Variants in MACROD2 observed in about 807,000 individuals in gnomAD.
MACROD2 encodes the protein mono-ADP ribosylhydrolase 2, also known as ADP-ribose glycohydrolase MACROD2.
Under a neutral mutation model 70.4 loss-of-function variants are expected in MACROD2, and 36 were observed. The ratio of observed to expected loss-of-function variants is 0.51; its 90% confidence interval spans 0.39 to 0.68. MACROD2 has a LOEUF of 0.68. Ranked by LOEUF, MACROD2 falls within the 30% of genes least tolerant of loss-of-function variation. The probability of loss-of-function intolerance (pLI) is 0.00; values close to 1 mark genes in which losing one functional copy is unlikely to be tolerated. For synonymous variants in MACROD2, 172 were observed against 178.8 expected (o/e 0.96, Z 0.30); for missense variants, 496 against 538.4 (o/e 0.92, Z 0.78).
chr20:15,632,727 T>C (rs1176344718), intron 8 of MACROD2, among the ~76,000 whole-genome samples: 2 of 152,140 alleles, frequency 1.3e-5, no homozygotes, highest in South Asian at 2.1e-4. Flanking sequence ...GTCTTAGTAA[T>C]AGTCTAATGT....
At chr20:14,397,982 T>C (rs2122825916) in intron 3 of MACROD2, among the ~76,000 whole-genome samples, 1 of 152,264 alleles carries the variant, frequency 6.6e-6, no homozygotes, top group Non-Finnish European at 1.5e-5. Context: ...AGTAAGAACA[T>C]GTGTTACCTT....
chr20:15,813,856 A>G (rs555512412), intron 8 of MACROD2, among the ~76,000 whole-genome samples: 1 of 152,354 alleles, frequency 6.6e-6, no homozygotes, highest in South Asian at 2.1e-4. Context: ...TACATAGGGA[A>G]GAAACTAGCC....
intron 5 of MACROD2, among the ~76,000 whole-genome samples, chr20:15,153,927 G>T (rs1001940397): frequency 6.6e-6 from 1 of 152,136 alleles, no homozygotes; most frequent in African/African-American, 2.4e-5. Flanking sequence ...ATGTTCAAAG[G>T]ATGTCCTCTT....
intron 3 of MACROD2, among the ~76,000 whole-genome samples, chr20:14,191,284 G>A (rs2081386174): frequency 6.6e-6 from 1 of 152,050 alleles, no homozygotes; most frequent in Non-Finnish European, 1.5e-5. Context: ...CTAAGCATGT[G>A]AGCCTTATTA....
chr20:15,193,425 G>A (rs1308349607), intron 5 of MACROD2, among the ~76,000 whole-genome samples: 3 of 151,946 alleles, frequency 2.0e-5, no homozygotes, highest in Admixed American at 6.6e-5. Flanking sequence ...GGAGGATGAC[G>A]TGAGGCCAGG....
intron 3 of MACROD2, among the ~76,000 whole-genome samples, chr20:14,235,575 A>G (rs1049508707): frequency 6.6e-6 from 1 of 152,178 alleles, no homozygotes; most frequent in Non-Finnish European, 1.5e-5. Flanking sequence ...GAAATACCTC[A>G]TCCAGCTGTA....
chr20:15,436,563 A>G (rs2046430474), intron 7 of MACROD2, among the ~76,000 whole-genome samples: 1 of 152,164 alleles, frequency 6.6e-6, no homozygotes, highest in African/African-American at 2.4e-5. Flanking sequence ...TAGACCATTC[A>G]GCATTATGCA....
intron 5 of MACROD2, among the ~76,000 whole-genome samples, chr20:14,868,213 G>A (rs1297739649): frequency 3.4e-5 from 5 of 145,898 alleles, no homozygotes; most frequent in African/African-American, 1.3e-4. Context: ...TAAGAGACAA[G>A]TTCTCTCTTT....
At chr20:14,965,068 T>C (rs2074619974) in intron 5 of MACROD2, among the ~76,000 whole-genome samples, 1 of 152,200 alleles carries the variant, frequency 6.6e-6, no homozygotes, top group Non-Finnish European at 1.5e-5. Context: ...TTAAGCTGTT[T>C]TTGATGAACC....
At chr20:14,337,588 G>C (rs1376244816) in intron 3 of MACROD2, 3 of 398,476 alleles carry the variant, frequency 7.5e-6, no homozygotes, top group Non-Finnish European at 1.3e-5. Context: ...GAGTGAGCGA[G>C]GGAGAGCATT....
intron 5 of MACROD2, among the ~76,000 whole-genome samples, chr20:15,000,721 T>C (rs915311199): frequency 1.5e-4 from 23 of 149,560 alleles, no homozygotes; most frequent in Non-Finnish European, 3.1e-4. Context: ...CAAGGTAGGA[T>C]TGGTCCACTT....
intron 15 of MACROD2, among the ~76,000 whole-genome samples, chr20:16,035,222 A>T: frequency 6.9e-6 from 1 of 144,980 alleles, no homozygotes; most frequent in East Asian, 2.0e-4. Context: ...TATATTATAT[A>T]TATACCAGAG....
At chr20:15,338,741 A>G (rs1048698804) in intron 6 of MACROD2, among the ~76,000 whole-genome samples, 2 of 151,788 alleles carry the variant, frequency 1.3e-5, no homozygotes, top group Non-Finnish European at 2.9e-5. Context: ...TGGATTATGA[A>G]CACAGAGGAT....
At chr20:15,266,629 A>G (rs2077297121) in intron 6 of MACROD2, among the ~76,000 whole-genome samples, 1 of 152,180 alleles carries the variant, frequency 6.6e-6, no homozygotes, top group Admixed American at 6.5e-5. Context: ...TCTGAACCAC[A>G]AATGTTCCAA....
intron 10 of MACROD2, among the ~76,000 whole-genome samples, chr20:15,914,178 T>A (rs560514992): frequency 6.6e-6 from 1 of 152,358 alleles, no homozygotes; most frequent in South Asian, 2.1e-4. Context: ...TAATTTAGGT[T>A]TTGAAATCTT....
At chr20:15,537,141 T>G (rs2047886780) in intron 8 of MACROD2, among the ~76,000 whole-genome samples, 2 of 152,210 alleles carry the variant, frequency 1.3e-5, no homozygotes, top group Non-Finnish European at 2.9e-5. Context: ...CATCATACTA[T>G]TCTTGTGGTA....
intron 3 of MACROD2, among the ~76,000 whole-genome samples, chr20:14,366,033 T>C (rs551230015): frequency 7.2e-5 from 11 of 152,226 alleles, no homozygotes; most frequent in Non-Finnish European, 1.5e-4. Flanking sequence ...TAGTGTATCC[T>C]GTAGATGTTC....
At chr20:15,132,268 T>C (rs999945317) in intron 5 of MACROD2, among the ~76,000 whole-genome samples, 1 of 151,830 alleles carries the variant, frequency 6.6e-6, no homozygotes, top group African/African-American at 2.4e-5. Flanking sequence ...TAACAAAATA[T>C]GGTGGTGGTA....
At chr20:15,757,005 G>C (rs1368514079) in intron 8 of MACROD2, among the ~76,000 whole-genome samples, 2 of 152,116 alleles carry the variant, frequency 1.3e-5, no homozygotes, top group East Asian at 3.9e-4. Context: ...ACATTTGCAT[G>C]GGTAATTATG....
Sources: gnomAD v4.1 joint callset for allele counts (sites outside exome capture counted in the v4.1 genomes callset) on GRCh38, gnomAD v4.1.1 for gene constraint, MANE v1.5 for transcripts, NCBI Gene and HGNC (gene_info 2026-07-23, HGNC 2026-07-21) for gene names.